The following CAMKMT variants were observed in gnomAD, a reference collection of about 807,000 sequenced individuals.
CAMKMT encodes calmodulin-lysine N-methyltransferase, also known as CaM KMT.
CAMKMT carries 53 observed loss-of-function variants against 48.0 expected under a neutral mutation model. That is an observed-to-expected ratio of 1.10 (90% CI 0.89 to 1.39). CAMKMT has a LOEUF of 1.39. Ranked by LOEUF, CAMKMT falls within the 40% of genes most tolerant of loss-of-function variation. The pLI is 0.00. For synonymous variants in CAMKMT, 165 were observed against 152.3 expected (o/e 1.08, Z -0.61); for missense variants, 428 against 402.7 (o/e 1.06, Z -0.54).
intron 3 of CAMKMT, among the ~76,000 whole-genome samples, chr2:44,671,510 C>T (rs938436761): frequency 4.6e-5 from 7 of 152,162 alleles, no homozygotes; most frequent in South Asian, 2.1e-4. Flanking sequence ...TGGGCCTGCC[C>T]GGTGCACTGA....
chr2:44,682,959 T>C (rs974205508), intron 3 of CAMKMT, among the ~76,000 whole-genome samples: 1 of 152,208 alleles, frequency 6.6e-6, no homozygotes, highest in African/African-American at 2.4e-5. Context: ...GTAAGACTAA[T>C]GACCGTGTAG....
intron 3 of CAMKMT, among the ~76,000 whole-genome samples, chr2:44,648,186 G>T (rs533406900): frequency 3.3e-5 from 5 of 152,064 alleles, no homozygotes; most frequent in Admixed American, 1.3e-4. Flanking sequence ...ATATAAAAAA[G>T]AAATATTTAT....
At position 44,558,965 on chromosome 2, in the gene CAMKMT, G is replaced by A. The variant is rs376374411; in HGVS notation, c.377-145318G>A. The stretch of plus-strand genomic sequence containing the variant: ...CTGGAAAATGTGTCTCTGTGTGTGT[G>A]TGTGTGTATGTATGTATGGATAGAT... On this transcript the variant is annotated intron_variant, in intron 3 of 10. Coordinates refer to ENST00000378494, the MANE Select transcript of CAMKMT (RefSeq NM_024766.5). Among the ~76,000 whole-genome samples the A allele has an allele frequency of 3.1e-3, 464 of 151,288 alleles. 2 individuals carry two copies. Among genetic ancestry groups the A allele is most frequent in the African/African-American group, 0.011 (437 of 40,674 alleles).
chr2:44,649,674 C>A (rs1402309465), intron 3 of CAMKMT, among the ~76,000 whole-genome samples: 1 of 152,030 alleles, frequency 6.6e-6, no homozygotes, highest in Non-Finnish European at 1.5e-5. Context: ...TCTCTTTTTC[C>A]CAACATTTGG....
At chr2:44,613,647 C>A (rs953875845) in intron 3 of CAMKMT, among the ~76,000 whole-genome samples, 7 of 152,232 alleles carry the variant, frequency 4.6e-5, no homozygotes, top group African/African-American at 1.7e-4. Context: ...CTGACATTTA[C>A]TGAGCACTTA....
At chr2:44,422,109 A>G (rs1683973547) in intron 3 of CAMKMT, among the ~76,000 whole-genome samples, 1 of 152,150 alleles carries the variant, frequency 6.6e-6, no homozygotes, top group Non-Finnish European at 1.5e-5. Context: ...TGTTTGAGTC[A>G]TGGAGGTGGA....
intron 9 of CAMKMT, among the ~76,000 whole-genome samples, chr2:44,754,556 T>C (rs1285499165): frequency 1.3e-5 from 2 of 152,218 alleles, no homozygotes; most frequent in Non-Finnish European, 2.9e-5. Flanking sequence ...TATTTCTGTT[T>C]ATATTAAAGA....
intron 9 of CAMKMT, among the ~76,000 whole-genome samples, chr2:44,765,239 G>T (rs1431440512): frequency 6.6e-6 from 1 of 151,784 alleles, no homozygotes; most frequent in African/African-American, 2.4e-5. Flanking sequence ...AAAAAAAAAT[G>T]TCTAAAGGAG....
intron 2 of CAMKMT, among the ~76,000 whole-genome samples, chr2:44,382,459 A>T (rs901686109): frequency 6.6e-6 from 1 of 151,550 alleles, no homozygotes; most frequent in Non-Finnish European, 1.5e-5. Context: ...TCATATTGCA[A>T]ATAACTTTTT....
At chr2:44,578,077 G>T (rs555588832) in intron 3 of CAMKMT, among the ~76,000 whole-genome samples, 1 of 152,206 alleles carries the variant, frequency 6.6e-6, no homozygotes, top group South Asian at 2.1e-4. Flanking sequence ...TTGTAAATCT[G>T]CCTTGTGTCA....
At chr2:44,675,080 G>GGGC (rs1675598611) in intron 3 of CAMKMT, among the ~76,000 whole-genome samples, 3 of 145,626 alleles carry the variant, frequency 2.1e-5, no homozygotes, top group Non-Finnish European at 4.5e-5. Flanking sequence ...CAACCTTAAG[G>GGGC]GGGGGAAAAA....
chr2:44,641,121 C>G (rs1367956690), intron 3 of CAMKMT, among the ~76,000 whole-genome samples: 2 of 152,088 alleles, frequency 1.3e-5, no homozygotes, highest in East Asian at 3.8e-4. Flanking sequence ...ATCTTCTAAG[C>G]CTAAAGAATC....
At chr2:44,375,803 A>G (rs988324650) in intron 2 of CAMKMT, among the ~76,000 whole-genome samples, 12 of 150,870 alleles carry the variant, frequency 8.0e-5, no homozygotes, top group Admixed American at 5.9e-4. Flanking sequence ...TTTTCTTTTT[A>G]GAGAAGGAGT....
At position 44,512,691 on chromosome 2, in the gene CAMKMT, A is replaced by G. The variant is rs72879351; in HGVS notation, c.376+122386A>G. 7.8e-3 allele frequency among the ~76,000 whole-genome samples: 1,184 copies of G among 152,376 alleles called. 11 individuals are homozygous for G. Among genetic ancestry groups the G allele is most frequent in the African/African-American group, 0.027 (1,124 of 41,594 alleles). On this transcript the variant is annotated intron_variant, in intron 3 of 10. Transcript: ENST00000378494. ...AGCTGGTTAAAGACAACATCAAAATATCTATACCTAAATCTGTATGAAATT... is the reference window on the plus strand; with the variant it reads ...AGCTGGTTAAAGACAACATCAAAATGTCTATACCTAAATCTGTATGAAATT...
At chr2:44,393,781 CA>C (rs1681573200) in intron 3 of CAMKMT, among the ~76,000 whole-genome samples, 1 of 152,170 alleles carries the variant, frequency 6.6e-6, no homozygotes, top group South Asian at 2.1e-4. Flanking sequence ...AGCATTGTAG[CA>C]GATTTCTTGC....
intron 3 of CAMKMT, among the ~76,000 whole-genome samples, chr2:44,394,452 A>C (rs1308223155): frequency 1.4e-5 from 2 of 147,162 alleles, no homozygotes; most frequent in African/African-American, 5.1e-5. Context: ...TTTTTAATGG[A>C]GTTTCACTCT....
intron 2 of CAMKMT, among the ~76,000 whole-genome samples, chr2:44,376,116 A>G (rs80215045): frequency 6.6e-6 from 1 of 151,888 alleles, no homozygotes; most frequent in Non-Finnish European, 1.5e-5. Flanking sequence ...GGGGCTAAGC[A>G]TTGGAGATTT....
intron 3 of CAMKMT, among the ~76,000 whole-genome samples, chr2:44,651,084 G>A (rs1358477111): frequency 6.6e-6 from 1 of 152,166 alleles, no homozygotes; most frequent in Non-Finnish European, 1.5e-5. Context: ...TATTGCTGAT[G>A]GTGATATAAA....
intron 2 of CAMKMT, among the ~76,000 whole-genome samples, chr2:44,380,283 T>C (rs929646878): frequency 7.9e-5 from 12 of 152,036 alleles, no homozygotes; most frequent in African/African-American, 2.9e-4. Flanking sequence ...CCATTGTTAA[T>C]GGTTTGGGAT....
Sources: gnomAD v4.1 joint callset for allele counts (sites outside exome capture counted in the v4.1 genomes callset) on GRCh38, gnomAD v4.1.1 for gene constraint, MANE v1.5 for transcripts, NCBI Gene and HGNC (gene_info 2026-07-23, HGNC 2026-07-21) for gene names.